PLEKHD1: variants seen among roughly 807,000 people sequenced by gnomAD.
The protein encoded by PLEKHD1 is pleckstrin homology and coiled-coil domain containing D1, also known as pleckstrin homology domain-containing family D member 1.
PLEKHD1 carries 51 observed loss-of-function variants against 69.2 expected under a neutral mutation model. The observed-to-expected ratio is 0.74, with a 90% CI of 0.59 to 0.93. The LOEUF (loss-of-function observed/expected upper bound fraction) is 0.93. PLEKHD1 is among the 40% of genes least tolerant of loss of function. PLEKHD1 has a pLI of 0.00. For missense variants in PLEKHD1, 584 were observed against 641.0 expected (o/e 0.91, Z 0.96); for synonymous variants, 236 against 244.7 (o/e 0.96, Z 0.33).
At chr14:69,508,490 G>A (rs1883201534) in intron 6 of PLEKHD1, among the ~76,000 whole-genome samples, 4 of 152,062 alleles carry the variant, frequency 2.6e-5, no homozygotes, top group African/African-American at 2.4e-5. Context: ...GCGTGATCAC[G>A]GTTAACTGTA....
intron 6 of PLEKHD1, 68 bp downstream of exon 6, chr14:69,502,947 G>T: frequency 6.5e-7 from 1 of 1,526,974 alleles, no homozygotes; most frequent in Non-Finnish European, 8.9e-7. Flanking sequence ...ACTAGGGAAT[G>T]ATGCAGGGGA....
intron 6 of PLEKHD1, chr14:69,503,241 G>A: frequency 3.6e-6 from 1 of 279,740 alleles, no homozygotes; most frequent in Non-Finnish European, 7.0e-6. Context: ...TGGCACCTGA[G>A]GGTGATTGGG....
chr14:69,471,547 A>G, the PLEKHD1 span, among the ~76,000 whole-genome samples: 1 of 152,246 alleles, frequency 6.6e-6, no homozygotes, highest in African/African-American at 2.4e-5. Context: ...ACCAAGAGAG[A>G]GTAGCTCTGG....
chr14:69,516,659 G>A (rs1294961625), intron 6 of PLEKHD1, among the ~76,000 whole-genome samples: 1 of 152,092 alleles, frequency 6.6e-6, no homozygotes, highest in African/African-American at 2.4e-5. Flanking sequence ...AAAAGGGTGG[G>A]TATCATGTTT....
chr14:69,525,613 G>T (rs935559442), intron 8 of PLEKHD1, among the ~76,000 whole-genome samples: 1 of 152,124 alleles, frequency 6.6e-6, no homozygotes, highest in East Asian at 1.9e-4. Flanking sequence ...GCTGGTTCCT[G>T]TTGGGTGTTT....
intron 6 of PLEKHD1, among the ~76,000 whole-genome samples, chr14:69,512,816 C>T (rs1315810346): frequency 2.0e-5 from 3 of 150,952 alleles, no homozygotes; most frequent in African/African-American, 7.3e-5. Context: ...AATCCCAGCA[C>T]TTTGGGAAGC....
chr14:69,511,107 A>T (rs1239397463), intron 6 of PLEKHD1, among the ~76,000 whole-genome samples: 1 of 152,012 alleles, frequency 6.6e-6, no homozygotes, highest in African/African-American at 2.4e-5. Flanking sequence ...CTTAGTTGTG[A>T]TGTATTATTC....
At chr14:69,475,998 C>T in the PLEKHD1 span, among the ~76,000 whole-genome samples, 64 of 152,306 alleles carry the variant, frequency 4.2e-4, 1 homozygote, top group South Asian at 0.011. Context: ...TGGCTCACGC[C>T]TATAATCCCA....
chr14:69,527,476 C>A, intron 11 of PLEKHD1, 144 bp downstream of exon 11: 1 of 1,251,256 alleles, frequency 8.0e-7, no homozygotes, highest in East Asian at 2.5e-5. Context: ...TCTCCAGTTA[C>A]CTGCCTGCAG....
At chr14:69,513,538 C>T (rs2139518936) in intron 6 of PLEKHD1, among the ~76,000 whole-genome samples, 1 of 152,278 alleles carries the variant, frequency 6.6e-6, no homozygotes, top group African/African-American at 2.4e-5. Context: ...TAACACTCAG[C>T]TATTGTTACA....
At chr14:69,489,666 C>G (rs1882732646) in intron 1 of PLEKHD1, among the ~76,000 whole-genome samples, 1 of 151,710 alleles carries the variant, frequency 6.6e-6, no homozygotes, top group South Asian at 2.1e-4. Flanking sequence ...GCTGCATGAT[C>G]CAGGCTGTGG....
At chr14:69,486,170 CT>C in intron 1 of PLEKHD1, among the ~76,000 whole-genome samples, 1 of 152,326 alleles carries the variant, frequency 6.6e-6, no homozygotes, top group African/African-American at 2.4e-5. Flanking sequence ...ATCCCACACT[CT>C]ATGAGTCTGC....
chr14:69,504,835 G>A (rs1883115537), intron 6 of PLEKHD1, among the ~76,000 whole-genome samples: 1 of 152,166 alleles, frequency 6.6e-6, no homozygotes, highest in Admixed American at 6.5e-5. Flanking sequence ...TCTCCTCTAG[G>A]TCCTGTGTTA....
At chr14:69,489,396 T>C (rs1882723176) in intron 1 of PLEKHD1, among the ~76,000 whole-genome samples, 1 of 151,498 alleles carries the variant, frequency 6.6e-6, no homozygotes. Context: ...CTGTCTCTAC[T>C]AAAAATACAA....
intron 6 of PLEKHD1, among the ~76,000 whole-genome samples, chr14:69,518,598 G>C (rs144532691): frequency 6.6e-6 from 1 of 152,290 alleles, no homozygotes; most frequent in African/African-American, 2.4e-5. Context: ...GTCTAGTCTA[G>C]AATTGCATTC....
At chr14:69,512,722 C>A (rs907624412) in intron 6 of PLEKHD1, among the ~76,000 whole-genome samples, 4 of 152,052 alleles carry the variant, frequency 2.6e-5, no homozygotes, top group African/African-American at 9.7e-5. Context: ...ATTTCTAGCA[C>A]AATTCCACTT....
At chr14:69,468,521 A>G in the PLEKHD1 span, among the ~76,000 whole-genome samples, 1 of 151,974 alleles carries the variant, frequency 6.6e-6, no homozygotes, top group Admixed American at 6.6e-5. Flanking sequence ...ATTTGTCGAC[A>G]ATCACCATAT....
At chr14:69,511,163 T>G (rs1883263019) in intron 6 of PLEKHD1, among the ~76,000 whole-genome samples, 1 of 151,926 alleles carries the variant, frequency 6.6e-6, no homozygotes, top group African/African-American at 2.4e-5. Context: ...TTGTTTGTTG[T>G]TTGTTTGTTT....
At chr14:69,481,531 G>C (rs1882541540), upstream of PLEKHD1, among the ~76,000 whole-genome samples, 1 of 152,204 alleles carries the variant, frequency 6.6e-6, no homozygotes, top group African/African-American at 2.4e-5. Flanking sequence ...ACAGTGTGCT[G>C]CAAGGTGAAG....
Sources: allele counts gnomAD v4.1 joint callset (sites outside exome capture counted in the v4.1 genomes callset), GRCh38; gene constraint gnomAD v4.1.1; transcripts MANE v1.5; gene names NCBI Gene and HGNC (gene_info 2026-07-23, HGNC 2026-07-21).